The following ITIH2 variants were observed in gnomAD, a reference collection of about 807,000 sequenced individuals.
ITIH2 encodes inter-alpha-trypsin inhibitor heavy chain H2.
ITIH2 carries 103 observed loss-of-function variants against 104.4 expected under a neutral mutation model. The ratio of observed to expected loss-of-function variants is 0.99; its 90% confidence interval spans 0.84 to 1.16. ITIH2 has a LOEUF of 1.16. Ranked by LOEUF, ITIH2 falls within the 50% of genes most tolerant of loss-of-function variation. ITIH2 has a pLI of 0.00. For missense variants in ITIH2, 1,108 were observed against 1,162.4 expected (o/e 0.95, Z 0.68); for synonymous variants, 436 against 435.4 (o/e 1.00, Z -0.02).
At chr10:7,720,338 T>C (rs1405974668) in intron 6 of ITIH2, among the ~76,000 whole-genome samples, 1 of 152,106 alleles carries the variant, frequency 6.6e-6, no homozygotes, top group Non-Finnish European at 1.5e-5. Flanking sequence ...AATCATAGAA[T>C]TAAATTTAAA....
At chr10:7,720,991 C>A (rs777869548) in intron 7 of ITIH2, 28 bp downstream of exon 7, 2 of 1,308,776 alleles carry the variant, frequency 1.5e-6, no homozygotes, top group Non-Finnish European at 2.2e-6. Flanking sequence ...TGTTGCCAGG[C>A]ATTCACAGGG....
chr10:7,705,221 GA>G, intron 2 of ITIH2, 39 bp downstream of exon 2: 2 of 1,349,700 alleles, frequency 1.5e-6, no homozygotes, highest in South Asian at 1.2e-5. Context: ...GAAAAAAAGT[GA>G]AAGAGATTAT....
chr10:7,743,669 T>C (rs938862996), intron 17 of ITIH2, among the ~76,000 whole-genome samples: 2 of 152,036 alleles, frequency 1.3e-5, no homozygotes, highest in Non-Finnish European at 1.5e-5. Flanking sequence ...TAATCCCAGC[T>C]ACTCAGGAGG....
At chr10:7,709,567 A>G (rs1224813812) in intron 4 of ITIH2, among the ~76,000 whole-genome samples, 1 of 152,118 alleles carries the variant, frequency 6.6e-6, no homozygotes, top group Non-Finnish European at 1.5e-5. Flanking sequence ...CTATGGGAAA[A>G]AAAAAACAAG....
At position 7,731,978 on chromosome 10, in the gene ITIH2, C is replaced by T. The variant is rs191721118; in HGVS notation, c.1629C>T (p.Ser543=). 397 of 1,613,262 alleles carry T rather than the reference C, an allele frequency of 2.5e-4. 3 individuals are homozygous for T. In the East Asian group the frequency reaches 4.9e-3, roughly 20 times the overall value. Residue 543 remains serine (S), a synonymous_variant, in exon 13 of 21, where the codon AGC becomes AGT. Coordinates refer to ENST00000358415, the MANE Select transcript of ITIH2 (RefSeq NM_002216.3). ...CTGCTAAATTGGATCAAATAGAGAG[C>T]GTTATCACGGCGACTTCGGTACTTC... ...FDPAKLDQIE[S]VITATSANTQ...
chr10:7,733,181 G>C (rs952518289), intron 14 of ITIH2, among the ~76,000 whole-genome samples: 1 of 151,978 alleles, frequency 6.6e-6, no homozygotes, highest in Non-Finnish European at 1.5e-5. Context: ...GTGATCATCA[G>C]TTTTGCCTGA....
chr10:7,746,727 G>A, intron 20 of ITIH2, 23 bp downstream of exon 20: 3 of 1,442,220 alleles, frequency 2.1e-6, no homozygotes, highest in Non-Finnish European at 2.9e-6. Context: ...CGTAAGGACA[G>A]TGACGAAAAG....
At position 7,737,623 on chromosome 10, in the gene ITIH2, T is replaced by A. The variant is rs566265788; in HGVS notation, c.1958-998T>A. Among the ~76,000 whole-genome samples, 211 of 115,954 alleles carry A rather than the reference T, an allele frequency of 1.8e-3. 6 individuals carry two copies. The highest frequency in any genetic ancestry group is 7.8e-3 in the African/African-American group (201 of 25,884). 76.1% of individuals were successfully genotyped at this position (115,954 alleles called of 152,430 possible). Reference sequence around the variant, plus strand: ...CTATATTCTATAGAATATTCTATATTATATTCTATATTCTATAGAATATTC... The same window carrying A: ...CTATATTCTATAGAATATTCTATATAATATTCTATATTCTATAGAATATTC... On this transcript the variant is annotated intron_variant, in intron 15 of 20. Transcript: ENST00000358415.
chr10:7,734,746 C>G (rs1292579726), intron 14 of ITIH2, among the ~76,000 whole-genome samples, 176 bp from the exon 15 acceptor site: 5 of 152,146 alleles, frequency 3.3e-5, no homozygotes, highest in Non-Finnish European at 7.4e-5. Flanking sequence ...TGGGACTTAG[C>G]CAGATAAAAT....
At chr10:7,735,674 C>CTTTT (rs35122608) in intron 15 of ITIH2, among the ~76,000 whole-genome samples, 7 of 130,550 alleles carry the variant, frequency 5.4e-5, no homozygotes, top group African/African-American at 1.2e-4. Context: ...CTTTTCTTTT[C>CTTTT]TTTTTTTTTT....
chr10:7,704,185 A>T (rs1451051792), intron 1 of ITIH2, among the ~76,000 whole-genome samples: 2 of 152,270 alleles, frequency 1.3e-5, no homozygotes, highest in Non-Finnish European at 2.9e-5. Context: ...TTTTTATGCC[A>T]GAAAAGCGAA....
intron 2 of ITIH2, among the ~76,000 whole-genome samples, chr10:7,706,907 G>A (rs575221279): frequency 5.9e-5 from 9 of 152,198 alleles, no homozygotes; most frequent in East Asian, 5.8e-4. Flanking sequence ...GGGGATATAC[G>A]CTACCCAGGA....
At chr10:7,704,934 TA>T (rs55918343) in intron 1 of ITIH2, among the ~76,000 whole-genome samples, 173 bp from the exon 2 acceptor site, 3,711 of 141,724 alleles carry the variant, frequency 0.026, 67 homozygotes, top group South Asian at 0.054. Flanking sequence ...GGTGGGGGGC[TA>T]GGGGAGGGAT....
At chr10:7,744,732 T>C (rs976487502) in intron 18 of ITIH2, 59 bp from the exon 19 acceptor site, 107 of 1,442,408 alleles carry the variant, frequency 7.4e-5, no homozygotes, top group Non-Finnish European at 9.3e-5. Flanking sequence ...GTGAGAAGAA[T>C]GACTTTCTCA....
chr10:7,727,790 C>T lies in ITIH2; in HGVS notation c.1241C>T (p.Ser414Leu). 7 of 1,614,146 alleles carry T rather than the reference C, an allele frequency of 4.3e-6. No individual in the cohort carries two copies. The highest frequency in any genetic ancestry group is 5.9e-6 in the Non-Finnish European group (7 of 1,179,980). ...NLGLLDPNSV[S>L]LIILVSDGDP... ...GGACTGTTAGACCCCAACTCCGTCTCGCTGATCATTTTGGTTTCTGATGGA... is the reference window on the plus strand; with the variant it reads ...GGACTGTTAGACCCCAACTCCGTCTTGCTGATCATTTTGGTTTCTGATGGA... Residue 414 changes from serine (S) to leucine (L), a missense_variant, in exon 11 of 21, where the codon TCG becomes TTG. Coordinates refer to ENST00000358415, the MANE Select transcript of ITIH2 (RefSeq NM_002216.3).
At chr10:7,735,674 C>T (rs867054209) in intron 15 of ITIH2, among the ~76,000 whole-genome samples, 230 of 130,542 alleles carry the variant, frequency 1.8e-3, no homozygotes, top group African/African-American at 2.3e-3. Flanking sequence ...CTTTTCTTTT[C>T]TTTTTTTTTT....
At chr10:7,739,536 A>C (rs1022441868) in intron 16 of ITIH2, among the ~76,000 whole-genome samples, 1 of 152,136 alleles carries the variant, frequency 6.6e-6, no homozygotes, top group African/African-American at 2.4e-5. Flanking sequence ...TTGTATGCCT[A>C]GCACATACCA....
rs761384872 is a variant in ITIH2, at chr10:7,749,279, G to C, written c.2786G>C (p.Gly929Ala). ...AACAGTGGAAAAGGATTCATTGACG[G>C]GCATTACAAGGATTACTTCGTGCCT... is the stretch of plus-strand genomic sequence containing the variant. ...VHNSGKGFID[G>A]HYKDYFVPQL... Residue 929 changes from glycine to alanine, a missense_variant, in exon 21 of 21, where the codon GGG becomes GCG. Physicochemically the swap from Gly to Ala is moderately conservative, Grantham distance 60. Transcript: ENST00000358415. 6.2e-7 allele frequency: 1 copy of C among 1,614,096 alleles called. No individual in the cohort carries two copies. Among genetic ancestry groups the C allele is most frequent in the African/African-American group, 1.3e-5 (1 of 75,006 alleles).
At position 7,709,462 on chromosome 10, in the gene ITIH2, T is replaced by C. The variant is rs372074238; in HGVS notation, c.362+271T>C. On this transcript the variant is annotated intron_variant, in intron 4 of 20. Transcript: ENST00000358415. ...CTTACTTGCATTTTAATATACTTTC[T>C]AGGGAGGAGAAAAATATACTGGGTT... 1.5e-4 allele frequency among the ~76,000 whole-genome samples: 23 copies of C among 152,190 alleles called. No individual in the cohort carries two copies. In the East Asian group the frequency reaches 3.7e-3, roughly 24 times the overall value.
Sources: allele counts gnomAD v4.1 joint callset (sites outside exome capture counted in the v4.1 genomes callset), GRCh38; gene constraint gnomAD v4.1.1; transcripts MANE v1.5; gene names NCBI Gene and HGNC (gene_info 2026-07-23, HGNC 2026-07-21).